The following PCDH15 variants were observed in gnomAD, a reference collection of about 807,000 sequenced individuals.
The protein encoded by PCDH15 is protocadherin related 15.
Under a neutral mutation model 178.5 loss-of-function variants are expected in PCDH15, and 129 were observed. The observed-to-expected ratio is 0.72, with a 90% CI of 0.63 to 0.84. The LOEUF (loss-of-function observed/expected upper bound fraction) is 0.84, where lower values mean the gene tolerates loss of function less well. Among genes scored for constraint, PCDH15 ranks in the 40% least tolerant of loss-of-function variants. The pLI, the probability that PCDH15 is intolerant of heterozygous loss-of-function variation, is 0.00. For synonymous variants in PCDH15, 800 were observed against 732.0 expected (o/e 1.09, Z -1.50); for missense variants, 2,230 against 2,099.9 (o/e 1.06, Z -1.21).
chr10:54,823,217 A>T (rs933811383), intron 3 of PCDH15, among the ~76,000 whole-genome samples: 50 of 147,032 alleles, frequency 3.4e-4, no homozygotes, highest in African/African-American at 1.2e-3. Context: ...ACACACACAC[A>T]CACACACACG....
At chr10:55,103,655 C>T (rs1296709931) in intron 2 of PCDH15, among the ~76,000 whole-genome samples, 1 of 152,086 alleles carries the variant, frequency 6.6e-6, no homozygotes, top group East Asian at 1.9e-4. Flanking sequence ...ATGATATTCT[C>T]TTTAATGGGA....
At chr10:55,390,942 C>T (rs192423441) in intron 2 of PCDH15, among the ~76,000 whole-genome samples, 1 of 152,250 alleles carries the variant, frequency 6.6e-6, no homozygotes, top group Non-Finnish European at 1.5e-5. Flanking sequence ...GACTTAAGGA[C>T]CCTGGATTTT....
intron 2 of PCDH15, among the ~76,000 whole-genome samples, chr10:55,154,661 T>TA (rs986840357): frequency 2.6e-5 from 4 of 152,266 alleles, no homozygotes; most frequent in African/African-American, 9.6e-5. Context: ...TATAGTGCTA[T>TA]AGACCACTCT....
intron 1 of PCDH15, among the ~76,000 whole-genome samples, chr10:55,197,937 T>G (rs1434830672): frequency 6.6e-6 from 1 of 152,132 alleles, no homozygotes; most frequent in Admixed American, 6.5e-5. Context: ...AAATCAATAT[T>G]AGTGAAGTTA....
intron 2 of PCDH15, among the ~76,000 whole-genome samples, chr10:54,634,757 G>C (rs966977869): frequency 6.6e-6 from 1 of 151,918 alleles, no homozygotes; most frequent in Admixed American, 6.6e-5. Context: ...ATTAAAACAA[G>C]CATTTTAACC....
intron 2 of PCDH15, among the ~76,000 whole-genome samples, chr10:55,355,992 T>C (rs1163843480): frequency 6.6e-6 from 1 of 151,912 alleles, no homozygotes; most frequent in Non-Finnish European, 1.5e-5. Context: ...GATTTAACAA[T>C]AACTTCTCTG....
chr10:55,602,774 C>G (rs1379123173), intron 2 of PCDH15, among the ~76,000 whole-genome samples: 1 of 152,096 alleles, frequency 6.6e-6, no homozygotes, highest in East Asian at 1.9e-4. Context: ...TGGATAAAAC[C>G]ACAAAGATGG....
intron 3 of PCDH15, among the ~76,000 whole-genome samples, chr10:54,479,087 G>C (rs1170126244): frequency 1.3e-5 from 2 of 151,652 alleles, no homozygotes; most frequent in African/African-American, 4.8e-5. Flanking sequence ...TCTTAATATG[G>C]TAATACGTTT....
chr10:55,525,651 A>C (rs755246749), intron 2 of PCDH15, among the ~76,000 whole-genome samples: 2 of 151,948 alleles, frequency 1.3e-5, no homozygotes, highest in Non-Finnish European at 1.5e-5. Flanking sequence ...TTCAAACTCT[A>C]TCTAAACTTC....
At chr10:54,516,738 A>G (rs2138000974) in intron 3 of PCDH15, among the ~76,000 whole-genome samples, 1 of 151,956 alleles carries the variant, frequency 6.6e-6, no homozygotes, top group African/African-American at 2.4e-5. Flanking sequence ...CGAGAAGAGC[A>G]ACTCCAAGAC....
At chr10:55,470,037 T>A (rs1839921506) in intron 2 of PCDH15, among the ~76,000 whole-genome samples, 1 of 152,132 alleles carries the variant, frequency 6.6e-6, no homozygotes, top group African/African-American at 2.4e-5. Flanking sequence ...ATGAATCTAA[T>A]TTTTTCTCTT....
At chr10:54,973,341 C>G (rs974775272) in intron 2 of PCDH15, among the ~76,000 whole-genome samples, 1 of 152,142 alleles carries the variant, frequency 6.6e-6, no homozygotes, top group East Asian at 1.9e-4. Flanking sequence ...TGAAACCTCT[C>G]TCAAATTAAT....
chr10:55,530,449 G>T (rs539144103), intron 2 of PCDH15, among the ~76,000 whole-genome samples: 2 of 152,030 alleles, frequency 1.3e-5, no homozygotes, highest in African/African-American at 2.4e-5. Flanking sequence ...TTGTGTACAT[G>T]ACCTGAGCCA....
chr10:55,626,190 AAAAG>A (rs1837525409), intron 2 of PCDH15, among the ~76,000 whole-genome samples: 1 of 150,818 alleles, frequency 6.6e-6, no homozygotes, highest in Non-Finnish European at 1.5e-5. Flanking sequence ...AATAAAATAA[AAAAG>A]CAAGCAAGCA....
intron 6 of PCDH15, among the ~76,000 whole-genome samples, chr10:54,336,674 C>T (rs111580286): frequency 0.11 from 17,063 of 152,184 alleles, 1,032 homozygotes; most frequent in Middle Eastern, 0.2. Context: ...GATGTCCAGA[C>T]AAAAGTTTGC....
At chr10:53,868,967 C>T (rs2079640496) in intron 26 of PCDH15, among the ~76,000 whole-genome samples, 1 of 152,108 alleles carries the variant, frequency 6.6e-6, no homozygotes, top group South Asian at 2.1e-4. Flanking sequence ...ATAGGCACTC[C>T]ACTACGCCTG....
intron 2 of PCDH15, among the ~76,000 whole-genome samples, chr10:55,059,698 T>C (rs1841384439): frequency 6.6e-6 from 1 of 152,252 alleles, no homozygotes; most frequent in South Asian, 2.1e-4. Context: ...CTGACATTAC[T>C]GACATTAATC....
chr10:55,526,882 T>C (rs375639895), intron 2 of PCDH15, among the ~76,000 whole-genome samples: 48 of 152,222 alleles, frequency 3.2e-4, no homozygotes, highest in African/African-American at 1.0e-3. Context: ...GCTAAAATTC[T>C]TCTATTATTA....
rs116974626 is a variant in PCDH15, at chr10:54,341,120, C to T, written c.594+5245G>A. 2.6e-3 allele frequency among the ~76,000 whole-genome samples: 398 copies of T among 152,262 alleles called. 1 individual carries two copies. Among genetic ancestry groups the T allele is most frequent in the Non-Finnish European group, 4.6e-3 (311 of 68,020 alleles). ...TAAAAGCCACCTAACCATCACCTGA[C>T]GATCAGCTGACATTCCTGGGGGTGG... On this transcript the variant is annotated intron_variant, in intron 6 of 37. Coordinates refer to ENST00000644397, the MANE Select transcript of PCDH15 (RefSeq NM_001384140.1).
Sources: gnomAD v4.1 joint callset for allele counts (sites outside exome capture counted in the v4.1 genomes callset) on GRCh38, gnomAD v4.1.1 for gene constraint, MANE v1.5 for transcripts, NCBI Gene and HGNC (gene_info 2026-07-23, HGNC 2026-07-21) for gene names.